RBM19: variants seen among roughly 807,000 people sequenced by gnomAD.
RBM19 encodes the protein probable RNA-binding protein 19.
A neutral mutation model predicts 116.8 loss-of-function variants in RBM19; 94 were observed. That is an observed-to-expected ratio of 0.80 (90% CI 0.68 to 0.95). The LOEUF is 0.95. RBM19 is among the 40% of genes least tolerant of loss of function. RBM19 has a pLI of 0.00. For synonymous variants in RBM19, 475 were observed against 494.1 expected (o/e 0.96, Z 0.51); for missense variants, 1,161 against 1,220.7 (o/e 0.95, Z 0.73).
At chr12:113,872,516 G>C (rs1469326509) in intron 21 of RBM19, among the ~76,000 whole-genome samples, 1 of 130,950 alleles carries the variant, frequency 7.6e-6, no homozygotes, top group African/African-American at 2.7e-5. Context: ...ATCCGGGAGG[G>C]AGGTGGGGGT....
rs973173950 is a variant in RBM19 at position 113,948,966 on chromosome 12, G to C, written c.1143C>G (p.Thr381=). Residue 381 remains threonine (T), a synonymous_variant, in exon 10 of 24, where the codon ACC becomes ACG. Coordinates refer to ENST00000261741, the MANE Select transcript of RBM19 (RefSeq NM_016196.4). Reference sequence around the variant, plus strand: ...CGAGTATCCGGCCTTGCCAGGATTTGGTGGTATTCTTTGGTGCACCCTTGG... The same window carrying C: ...CGAGTATCCGGCCTTGCCAGGATTTCGTGGTATTCTTTGGTGCACCCTTGG... The part of the protein sequence containing the change: ...PTTKGAPKNT[T]KSWQGRILGE... The C allele has an allele frequency of 3.7e-6, 6 of 1,614,162 alleles. No individual in the cohort carries two copies. Among genetic ancestry groups the C allele is most frequent in the Non-Finnish European group, 5.1e-6 (6 of 1,180,004 alleles).
At chr12:113,887,650 AAG>A (rs1420641121) in intron 21 of RBM19, among the ~76,000 whole-genome samples, 1 of 149,264 alleles carries the variant, frequency 6.7e-6, no homozygotes, top group Non-Finnish European at 1.5e-5. Flanking sequence ...AAAAAAAAAA[AAG>A]AAAAAAGAAA....
At chr12:113,882,746 A>C (rs963773382) in intron 21 of RBM19, among the ~76,000 whole-genome samples, 1 of 152,186 alleles carries the variant, frequency 6.6e-6, no homozygotes, top group African/African-American at 2.4e-5. Flanking sequence ...CCAGCCACCC[A>C]AAATCTACAT....
At chr12:113,874,118 G>A (rs1879492215) in intron 21 of RBM19, among the ~76,000 whole-genome samples, 1 of 152,196 alleles carries the variant, frequency 6.6e-6, no homozygotes, top group Non-Finnish European at 1.5e-5. Flanking sequence ...TTGTCACCTC[G>A]ATGTTATGGG....
chr12:113,902,462 G>C (rs760643812), intron 21 of RBM19, among the ~76,000 whole-genome samples: 40 of 152,102 alleles, frequency 2.6e-4, no homozygotes, highest in Non-Finnish European at 3.8e-4. Flanking sequence ...AGCTGGGCGT[G>C]GAAGTGCATG....
intron 13 of RBM19, among the ~76,000 whole-genome samples, chr12:113,945,199 T>A (rs117135189): frequency 0.013 from 2,046 of 152,352 alleles, 14 homozygotes; most frequent in South Asian, 0.022. Flanking sequence ...ACTATCTATA[T>A]GTCTATCAAA....
At chr12:113,890,665 C>G (rs1026034218) in intron 21 of RBM19, among the ~76,000 whole-genome samples, 5 of 152,356 alleles carry the variant, frequency 3.3e-5, no homozygotes, top group Non-Finnish European at 4.4e-5. Context: ...GCTAGAAGTG[C>G]TGGCTTCTCC....
At chr12:113,958,129 T>C in intron 5 of RBM19, 79 bp from the exon 6 acceptor site, 1 of 1,515,570 alleles carries the variant, frequency 6.6e-7, no homozygotes, top group Non-Finnish European at 8.8e-7. Context: ...TAGATGGTCC[T>C]CCTAGTGAGA....
Position 113,943,488 on chromosome 12 carries a change from C to G in RBM19, c.1627-1054G>C, listed in dbSNP as rs534164614. 4.2e-3 allele frequency among the ~76,000 whole-genome samples: 572 copies of G among 134,954 alleles called. 4 individuals are homozygous for G. Among genetic ancestry groups the G allele is most frequent in the Non-Finnish European group, 7.0e-3 (424 of 60,652 alleles). The allele number at this position is 134,954 out of a possible 152,430, so 88.5% of individuals were successfully genotyped here. A position where few individuals can be genotyped will look rare whatever the true frequency, so the allele number is the denominator to read the frequency against. ...CGTGAGGAAAAAAAGACTACAATAG[C>G]TTGCAATTTTTTTTTTTAACATTGT... On this transcript the variant is annotated intron_variant, in intron 13 of 23. Transcript: ENST00000261741.
At chr12:113,838,171 G>A (rs570193590) in intron 23 of RBM19, among the ~76,000 whole-genome samples, 33 of 152,272 alleles carry the variant, frequency 2.2e-4, no homozygotes, top group African/African-American at 7.0e-4. Flanking sequence ...GTAGGGCACC[G>A]ATCACACACA....
intron 21 of RBM19, among the ~76,000 whole-genome samples, chr12:113,907,197 C>T (rs1882114601): frequency 6.6e-6 from 1 of 152,152 alleles, no homozygotes; most frequent in African/African-American, 2.4e-5. Context: ...TATTCTCATC[C>T]CTCCTAACTC....
chr12:113,849,050 CCTT>C (rs1260580784), intron 22 of RBM19, among the ~76,000 whole-genome samples: 3 of 152,198 alleles, frequency 2.0e-5, no homozygotes, highest in Non-Finnish European at 1.5e-5. Context: ...ACTTCCTTCT[CCTT>C]CTTCCTTTTG....
chr12:113,918,358 CG>C, intron 20 of RBM19, 33 bp downstream of exon 20: 1 of 1,612,792 alleles, frequency 6.2e-7, no homozygotes, highest in Non-Finnish European at 8.5e-7. Context: ...AGCCCCAGCT[CG>C]TAGGAAAGGA....
At chr12:113,823,614 T>A (rs536133034) in intron 23 of RBM19, among the ~76,000 whole-genome samples, 4 of 152,036 alleles carry the variant, frequency 2.6e-5, no homozygotes, top group Non-Finnish European at 5.9e-5. Context: ...AGTCTCAGCA[T>A]CACCATGGCG....
intron 22 of RBM19, 88 bp downstream of exon 22, chr12:113,858,703 G>T: frequency 8.0e-7 from 1 of 1,245,702 alleles, no homozygotes. Context: ...AGGTGACTCT[G>T]TGTGTGTTAG....
intron 16 of RBM19, among the ~76,000 whole-genome samples, chr12:113,930,465 G>A (rs1307360897): frequency 3.9e-5 from 6 of 152,230 alleles, no homozygotes; most frequent in African/African-American, 1.4e-4. Context: ...CCAGTAATGG[G>A]CAGATCCCTT....
intron 21 of RBM19, among the ~76,000 whole-genome samples, chr12:113,870,939 G>T (rs1008313667): frequency 6.6e-6 from 1 of 152,178 alleles, no homozygotes; most frequent in Non-Finnish European, 1.5e-5. Context: ...TTTCCAGAGG[G>T]CATCTCTATG....
intron 2 of RBM19, among the ~76,000 whole-genome samples, chr12:113,961,594 T>A (rs1425460519): frequency 6.6e-6 from 1 of 152,220 alleles, no homozygotes; most frequent in African/African-American, 2.4e-5. Context: ...TATTTATCCA[T>A]CATCTGTTTT....
rs1875903812 is a variant in RBM19 at position 113,836,521 on chromosome 12, A to T, written c.2785+8147T>A. 5.9e-5 allele frequency among the ~76,000 whole-genome samples: 9 copies of T among 152,132 alleles called. No individual in the cohort carries two copies. In the South Asian group the frequency reaches 1.9e-3, roughly 32 times the overall value. Reference sequence around the variant, plus strand: ...GTGGGGAGGGGCTGGGGGGTTTACAACAAGTTTCTTTTGTCTGCCAGTAAG... The same window carrying T: ...GTGGGGAGGGGCTGGGGGGTTTACATCAAGTTTCTTTTGTCTGCCAGTAAG... On this transcript the variant is annotated intron_variant, in intron 23 of 23. Coordinates refer to ENST00000261741, the MANE Select transcript of RBM19 (RefSeq NM_016196.4).
Sources: allele counts gnomAD v4.1 joint callset (sites outside exome capture counted in the v4.1 genomes callset), GRCh38; gene constraint gnomAD v4.1.1; transcripts MANE v1.5; gene names NCBI Gene and HGNC (gene_info 2026-07-23, HGNC 2026-07-21).